KCNQ2: variants seen among roughly 807,000 people sequenced by gnomAD.
KCNQ2 encodes potassium voltage-gated channel subfamily Q member 2, also known as potassium voltage-gated channel subfamily KQT member 2.
A neutral mutation model predicts 84.8 loss-of-function variants in KCNQ2; 14 were observed. The ratio of observed to expected loss-of-function variants is 0.17; its 90% CI spans 0.11 to 0.26. The LOEUF is 0.26. Among genes scored for constraint, KCNQ2 ranks in the 10% least tolerant of loss-of-function variants. KCNQ2 has a pLI of 1.00. For synonymous variants in KCNQ2, 599 were observed against 554.1 expected (o/e 1.08, Z -1.14); for missense variants, 788 against 1,254.0 (o/e 0.63, Z 5.61).
chr20:63,443,271 C>T (rs1187499475), intron 4 of KCNQ2, among the ~76,000 whole-genome samples: 2 of 23,354 alleles, frequency 8.6e-5, no homozygotes, highest in African/African-American at 3.5e-4. Flanking sequence ...ACCATCATCA[C>T]CACCATCACC....
chr20:63,443,355 CCACCAT>C (rs1568937364), intron 4 of KCNQ2, among the ~76,000 whole-genome samples: 54 of 54,406 alleles, frequency 9.9e-4, no homozygotes, highest in African/African-American at 2.3e-3. Context: ...ACCACCACCA[CCACCAT>C]CACCATCATC....
In KCNQ2 at chr20:63,438,385, A is replaced by C. The variant is rs2081065438; in HGVS notation, c.1023+240T>G. The C allele has an allele frequency of 3.4e-6, 2 of 593,798 alleles. No homozygotes were observed. Among genetic ancestry groups the C allele is most frequent in the Non-Finnish European group, 6.1e-6 (2 of 329,790 alleles). The allele number at this position is 593,798 out of a possible 1,614,324, so 36.8% of individuals were successfully genotyped here. A position where few individuals can be genotyped will look rare whatever the true frequency, so the allele number is the denominator to read the frequency against. ...CTGATGGCCGGGCCCCAGCACCCAC[A>C]CAAGGCAAGGGCCACCCCAGCGTCC... On this transcript the variant is annotated intron_variant, in intron 7 of 16. Transcript: ENST00000359125. The surrounding 1 kb of genome is among the most constrained non-coding windows in gnomAD (Gnocchi z 5.1).
chr20:63,414,368 C>T lies in KCNQ2; in HGVS notation c.1526-175G>A, dbSNP rs1435508207. Among the ~76,000 whole-genome samples, 3 of 152,184 alleles carry T rather than the reference C, an allele frequency of 2.0e-5. No individual in the cohort carries two copies. The highest frequency in any genetic ancestry group is 4.4e-5 in the Non-Finnish European group (3 of 68,044). The stretch of plus-strand genomic sequence containing the variant: ...CCACCCATCTGCACCCAGCTGCTCT[C>T]GAGTCAGGACCTTCCCCGGCAGGCT... On this transcript the variant is annotated intron_variant, in intron 13 of 16. Transcript: ENST00000359125. The surrounding 1 kb of genome is among the most constrained non-coding windows in gnomAD (Gnocchi z 6.6).
At chr20:63,427,907 C>T (rs1433176829) in intron 10 of KCNQ2, among the ~76,000 whole-genome samples, 1 of 152,208 alleles carries the variant, frequency 6.6e-6, no homozygotes, top group African/African-American at 2.4e-5. Context: ...CAGGTGCATT[C>T]GCCTTCCACC....
chr20:63,414,806 C>A lies in KCNQ2; in HGVS notation c.1525+97G>T. 1 of 1,219,662 alleles carries A rather than the reference C, an allele frequency of 8.2e-7. No individual in the cohort carries two copies. The highest frequency in any genetic ancestry group is 1.2e-5 in the South Asian group (1 of 83,114). 75.6% of individuals were successfully genotyped at this position (1,219,662 alleles called of 1,614,324 possible). On this transcript the variant is annotated intron_variant, in intron 13 of 16. Transcript: ENST00000359125. This position sits in a 1 kb window ranked among gnomAD's most constrained non-coding sequence, Gnocchi z 6.6. Reference sequence around the variant, plus strand: ...AGGGGGTTCCCACTCCAAGAGCAAGCAAAAGCAGCTGCGACGCCACAGGGT... The same window carrying A: ...AGGGGGTTCCCACTCCAAGAGCAAGAAAAAGCAGCTGCGACGCCACAGGGT...
rs1344481053 is a variant in KCNQ2 at position 63,404,336 on chromosome 20, T to C, written c.*2308A>G. ...CCTCGGCAGGGGAGGAAAGAACAGGTGGGGCCACACCTTGGGGGGGGAGGA... is the reference window on the plus strand; with the variant it reads ...CCTCGGCAGGGGAGGAAAGAACAGGCGGGGCCACACCTTGGGGGGGGAGGA... On this transcript the variant is annotated 3_prime_UTR_variant, in exon 17 of 17. Coordinates refer to ENST00000359125, the MANE Select transcript of KCNQ2 (RefSeq NM_172107.4). The C allele has an allele frequency of 1.9e-5, 2 of 107,210 alleles. No homozygotes were observed. The highest frequency in any genetic ancestry group is 3.9e-5 in the African/African-American group (1 of 25,838). The allele number at this position is 107,210 out of a possible 1,614,324, so 6.6% of individuals were successfully genotyped here. A position where few individuals can be genotyped will look rare whatever the true frequency, so the allele number is the denominator to read the frequency against.
rs7265714 is a variant in KCNQ2, at chr20:63,401,789, A to G, written c.*4855T>C. The G allele has an allele frequency of 0.47, 92,814 of 197,656 alleles. 22,768 individuals carry two copies. Among genetic ancestry groups the G allele is most frequent in the East Asian group, 0.9 (4,758 of 5,274 alleles). 12.2% of individuals were successfully genotyped at this position (197,656 alleles called of 1,614,324 possible). A position where few individuals can be genotyped will look rare whatever the true frequency, so the allele number is the denominator to read the frequency against. On this transcript the variant is annotated 3_prime_UTR_variant, in exon 17 of 17. Transcript: ENST00000359125. ...CAGCCCCCTGCTGGGCACCCTCCAC[A>G]GCAGGTCCAAGCCTCGTGAGCTGTC...
At chr20:63,471,127 G>A (rs1026406907) in intron 1 of KCNQ2, 3 of 152,332 alleles carry the variant, frequency 2.0e-5, no homozygotes, top group Non-Finnish European at 4.4e-5. Flanking sequence ...GTGGGCGCCC[G>A]ACCAGCTTGT....
At chr20:63,451,762 C>A (rs139950715) in intron 1 of KCNQ2, among the ~76,000 whole-genome samples, 176 of 152,162 alleles carry the variant, frequency 1.2e-3, no homozygotes, top group African/African-American at 4.1e-3. Flanking sequence ...CCAGCATGGC[C>A]CCCTGCAGCC....
Position 63,408,372 on chromosome 20 carries a change from A to G in KCNQ2, c.1887+41T>C. 6.3e-7 allele frequency: 1 copy of G among 1,599,950 alleles called. No homozygotes were observed. The highest frequency in any genetic ancestry group is 8.5e-7 in the Non-Finnish European group (1 of 1,178,174). On this transcript the variant is annotated intron_variant, in intron 16 of 16. Coordinates refer to ENST00000359125, the MANE Select transcript of KCNQ2 (RefSeq NM_172107.4). The surrounding 1 kb of genome is among the most constrained non-coding windows in gnomAD (Gnocchi z 5.0). ...GCCACAGGTTGACGGCAGGCACCAC[A>G]GCCCTCCAGCCCCGCACCCCTCCCG... is the stretch of plus-strand genomic sequence containing the variant.
chr20:63,404,110 TCA>T lies in KCNQ2; in HGVS notation c.*2532_*2533del, dbSNP rs1340901073. ...TTCCTTGCTGGACATGAGTCTGGCC[TCA>T]GTCCCTCCTGCTGGGCGGCCAGCTT... On this transcript the variant is annotated 3_prime_UTR_variant, in exon 17 of 17. Transcript: ENST00000359125. The T allele has an allele frequency of 1.3e-5, 2 of 152,492 alleles. No homozygotes were observed. Among genetic ancestry groups the T allele is most frequent in the Non-Finnish European group, 2.9e-5 (2 of 68,128 alleles). The allele number at this position is 152,492 out of a possible 1,614,324, so 9.4% of individuals were successfully genotyped here. A position where few individuals can be genotyped will look rare whatever the true frequency, so the allele number is the denominator to read the frequency against.
intron 15 of KCNQ2, chr20:63,412,099 G>T (rs1488389779): frequency 3.8e-6 from 2 of 529,244 alleles, no homozygotes; most frequent in Admixed American, 3.5e-5. Context: ...GGAGCGGGTG[G>T]CGGGCGGCCC....
intron 11 of KCNQ2, 55 bp from the exon 12 acceptor site, chr20:63,419,727 G>A: frequency 6.6e-7 from 1 of 1,521,686 alleles, no homozygotes; most frequent in Non-Finnish European, 9.0e-7. Context: ...CACACGGCCG[G>A]GAGCAGGGAA....
intron 1 of KCNQ2, among the ~76,000 whole-genome samples, chr20:63,465,157 C>G (rs969334869): frequency 6.6e-6 from 1 of 152,226 alleles, no homozygotes; most frequent in African/African-American, 2.4e-5. Flanking sequence ...CCATCAGGGG[C>G]CACAAGAGCA....
chr20:63,436,229 CTTATT>C (rs1464212805), intron 7 of KCNQ2, among the ~76,000 whole-genome samples: 2 of 152,146 alleles, frequency 1.3e-5, no homozygotes, highest in Non-Finnish European at 2.9e-5. Flanking sequence ...TCATTCTTGC[CTTATT>C]TTAAGAAATC....
In KCNQ2 at chr20:63,428,354, C is replaced by T; in HGVS notation, c.1217+13G>A. ...AGACGCCCACCCGCCCCACCTGGAG[C>T]TCCCCAGCTGACCTGAAAGCGAGTC... is the stretch of plus-strand genomic sequence containing the variant. On this transcript the variant is annotated intron_variant, in intron 10 of 16. Coordinates refer to ENST00000359125, the MANE Select transcript of KCNQ2 (RefSeq NM_172107.4). 1 of 1,556,134 alleles carries T rather than the reference C, an allele frequency of 6.4e-7. No individual in the cohort carries two copies. The highest frequency in any genetic ancestry group is 2.4e-5 in the East Asian group (1 of 42,314).
chr20:63,432,591 C>G (rs1368212803), intron 8 of KCNQ2, among the ~76,000 whole-genome samples: 7 of 123,320 alleles, frequency 5.7e-5, no homozygotes, highest in African/African-American at 2.4e-4. Context: ...AGGATCCACC[C>G]ACAGGGAAGG....
intron 1 of KCNQ2, among the ~76,000 whole-genome samples, chr20:63,457,922 G>A (rs955568960): frequency 1.3e-5 from 2 of 152,178 alleles, no homozygotes; most frequent in African/African-American, 4.8e-5. Flanking sequence ...TGACTTCGCA[G>A]CGCCTGCTCA....
intron 8 of KCNQ2, 46 bp downstream of exon 8, chr20:63,433,763 T>C: frequency 6.2e-7 from 1 of 1,612,910 alleles, no homozygotes; most frequent in Non-Finnish European, 8.5e-7. Context: ...AAATGGAAAA[T>C]AAAAAATGAA....
Sources: allele counts gnomAD v4.1 joint callset (sites outside exome capture counted in the v4.1 genomes callset), GRCh38; gene constraint gnomAD v4.1.1; non-coding constraint Gnocchi (gnomAD v3.1); transcripts MANE v1.5; gene names NCBI Gene and HGNC (gene_info 2026-07-23, HGNC 2026-07-21).